SLC35F4: variants seen among roughly 807,000 people sequenced by gnomAD.
The protein encoded by SLC35F4 is solute carrier family 35 member F4.
SLC35F4 carries 24 observed loss-of-function variants against 44.2 expected under a neutral mutation model. The ratio of observed to expected loss-of-function variants is 0.54; its 90% CI spans 0.39 to 0.76. The LOEUF is 0.76. Among genes scored for constraint, SLC35F4 ranks in the 30% least tolerant of loss-of-function variants. SLC35F4 has a pLI of 0.00. For missense variants in SLC35F4, 562 were observed against 586.1 expected (o/e 0.96, Z 0.42); for synonymous variants, 238 against 223.6 (o/e 1.06, Z -0.57).
chr14:57,938,293 T>A (rs1188070854), intron 1 of SLC35F4, among the ~76,000 whole-genome samples: 1 of 149,210 alleles, frequency 6.7e-6, no homozygotes, highest in Admixed American at 6.7e-5. Flanking sequence ...AACAAAGGGG[T>A]AATATAAGAA....
At chr14:57,659,625 T>C (rs62004026) in intron 1 of SLC35F4, among the ~76,000 whole-genome samples, 9,218 of 152,200 alleles carry the variant, frequency 0.061, 406 homozygotes, top group South Asian at 0.093. Context: ...ATAACAGAGT[T>C]AGGATTTAAT....
chr14:57,863,357 AG>A, intron 1 of SLC35F4, among the ~76,000 whole-genome samples: 1 of 152,364 alleles, frequency 6.6e-6, no homozygotes, highest in East Asian at 1.9e-4. Flanking sequence ...AGCAAACAGC[AG>A]GATGCATTAA....
intron 1 of SLC35F4, among the ~76,000 whole-genome samples, chr14:57,791,635 T>C (rs936865874): frequency 6.6e-6 from 1 of 152,094 alleles, no homozygotes; most frequent in Non-Finnish European, 1.5e-5. Flanking sequence ...ACTGGGTATA[T>C]ACCCAAAGGA....
At chr14:57,952,370 T>A (rs1414352825) in intron 1 of SLC35F4, among the ~76,000 whole-genome samples, 1 of 152,058 alleles carries the variant, frequency 6.6e-6, no homozygotes, top group African/African-American at 2.4e-5. Flanking sequence ...AAAACCAGAA[T>A]GCCTCTTCTC....
At chr14:57,937,794 GA>G (rs1439570254) in intron 1 of SLC35F4, among the ~76,000 whole-genome samples, 1 of 152,156 alleles carries the variant, frequency 6.6e-6, no homozygotes, top group Non-Finnish European at 1.5e-5. Context: ...CGTCTGGGCA[GA>G]AAGTGAGTCA....
chr14:57,785,161 T>C (rs536009759), intron 1 of SLC35F4, among the ~76,000 whole-genome samples: 2 of 152,214 alleles, frequency 1.3e-5, no homozygotes, highest in South Asian at 4.2e-4. Flanking sequence ...AGGTCAGCTA[T>C]GGTTTAAATA....
rs1466309445 is a variant in SLC35F4, at chr14:57,571,888, A to G, written c.933+6T>C. The G allele has an allele frequency of 1.9e-6, 3 of 1,611,066 alleles. No individual in the cohort carries two copies. Among genetic ancestry groups the G allele is most frequent in the South Asian group, 2.2e-5 (2 of 90,518 alleles). On this transcript the variant is annotated splice_donor_region_variant and intron_variant, in intron 5 of 7. Coordinates refer to ENST00000556826, the MANE Select transcript of SLC35F4 (RefSeq NM_001306087.2). Reference sequence around the variant, plus strand: ...AGTTGCTTACAAAAGAAAGTGCACAACATACCTTATATAATGCAGATGTAG... The same window carrying G: ...AGTTGCTTACAAAAGAAAGTGCACAGCATACCTTATATAATGCAGATGTAG...
In SLC35F4 at chr14:57,896,622, T is replaced by C. The variant is rs185895602; in HGVS notation, n.282+85291A>G. ...TCTTTATCTTATGTAAAAAAAAGTTTTGAAATATTGTTGGTGGGCTGGCCT... is the reference window on the plus strand; with the variant it reads ...TCTTTATCTTATGTAAAAAAAAGTTCTGAAATATTGTTGGTGGGCTGGCCT... On this transcript the variant is annotated intron_variant and non_coding_transcript_variant, in intron 1 of 1. Transcript: ENST00000556568. 2.3e-3 allele frequency among the ~76,000 whole-genome samples: 345 copies of C among 152,254 alleles called. 1 individual carries two copies. The highest frequency in any genetic ancestry group is 7.9e-3 in the African/African-American group (328 of 41,552).
Position 57,564,073 on chromosome 14 carries a change from G to T in SLC35F4, c.*62C>A. On this transcript the variant is annotated 3_prime_UTR_variant, in exon 8 of 8. Transcript: ENST00000556826. ...ATACTGTCGTTTGAGTGTACAGGTA[G>T]TGAGAAAATTTTGTTATATTCACAG... is the stretch of plus-strand genomic sequence containing the variant. The T allele has an allele frequency of 1.9e-6, 3 of 1,583,200 alleles. No individual in the cohort carries two copies. In the South Asian group the frequency reaches 3.4e-5, roughly 18 times the overall value.
intron 1 of SLC35F4, among the ~76,000 whole-genome samples, chr14:57,652,533 C>T (rs2073821150): frequency 6.6e-6 from 1 of 152,144 alleles, no homozygotes. Flanking sequence ...TTCAGAGATG[C>T]TTTTTGGTTG....
chr14:57,950,645 G>A (rs568186946), intron 1 of SLC35F4, among the ~76,000 whole-genome samples: 1 of 145,278 alleles, frequency 6.9e-6, no homozygotes, highest in Non-Finnish European at 1.5e-5. Flanking sequence ...ATTGTCATTT[G>A]CATAGACTCT....
chr14:57,886,329 G>A (rs1360834), intron 1 of SLC35F4, among the ~76,000 whole-genome samples: 12,293 of 152,222 alleles, frequency 0.081, 553 homozygotes, highest in Middle Eastern at 0.14. Context: ...TGGGTAGGCT[G>A]TGTTCTCATT....
chr14:57,662,539 C>T (rs2074170799), intron 1 of SLC35F4, among the ~76,000 whole-genome samples: 1 of 152,124 alleles, frequency 6.6e-6, no homozygotes, highest in Non-Finnish European at 1.5e-5. Context: ...TTTTTACATG[C>T]CAACTTCCCT....
At chr14:57,900,430 TA>T (rs1192244706) in intron 1 of SLC35F4, among the ~76,000 whole-genome samples, 1 of 152,208 alleles carries the variant, frequency 6.6e-6, no homozygotes, top group Non-Finnish European at 1.5e-5. Flanking sequence ...GCCCCCACAC[TA>T]AATCAGCTTC....
intron 1 of SLC35F4, among the ~76,000 whole-genome samples, chr14:57,929,902 A>G (rs1889660651): frequency 6.6e-6 from 1 of 152,182 alleles, no homozygotes; most frequent in African/African-American, 2.4e-5. Context: ...CAACACCGAC[A>G]GTCTGGGTGC....
chr14:57,908,430 T>C (rs1432208858), intron 1 of SLC35F4, among the ~76,000 whole-genome samples: 1 of 152,218 alleles, frequency 6.6e-6, no homozygotes, highest in East Asian at 1.9e-4. Context: ...GCATTCCTAT[T>C]TCTCCACAGC....
At chr14:57,939,059 T>C (rs1206609762) in intron 1 of SLC35F4, among the ~76,000 whole-genome samples, 1 of 151,882 alleles carries the variant, frequency 6.6e-6, no homozygotes, top group African/African-American at 2.4e-5. Context: ...CTGAGCAAAG[T>C]GGGGAAATGC....
In SLC35F4 at chr14:57,571,932, A is replaced by T. The variant is rs373851165; in HGVS notation, c.895T>A (p.Phe299Ile). 1 of 1,612,734 alleles carries T rather than the reference A, an allele frequency of 6.2e-7. No individual in the cohort carries two copies. The highest frequency in any genetic ancestry group is 1.3e-5 in the African/African-American group (1 of 74,922). ...FHADSIIGVA[F>I]AVGSASTSAL... is the part of the protein sequence containing the mutation. ...GATGTAGAGGCTGAGCCCACCGCAA[A>T]TGCCACTCCTATGATGGAATCAGCG... The change falls in exon 5 of 8, where the codon TTT becomes ATT. Residue 299 changes from phenylalanine (F) to isoleucine (I), a missense_variant. Coordinates refer to ENST00000556826, the MANE Select transcript of SLC35F4 (RefSeq NM_001306087.2).
intron 1 of SLC35F4, among the ~76,000 whole-genome samples, chr14:57,823,431 C>G (rs183859748): frequency 6.4e-4 from 97 of 152,286 alleles, no homozygotes; most frequent in Non-Finnish European, 1.2e-3. Flanking sequence ...AAATCAAGTT[C>G]GTGAAATCAG....
Sources: allele counts gnomAD v4.1 joint callset (sites outside exome capture counted in the v4.1 genomes callset), GRCh38; gene constraint gnomAD v4.1.1; transcripts MANE v1.5; gene names NCBI Gene and HGNC (gene_info 2026-07-23, HGNC 2026-07-21).